GLCCI1: variants seen among roughly 807,000 people sequenced by gnomAD.
GLCCI1 encodes glucocorticoid-induced transcript 1 protein.
GLCCI1 carries 24 observed loss-of-function variants against 52.2 expected under a neutral mutation model. The observed-to-expected ratio is 0.46, with a 90% CI of 0.33 to 0.65. GLCCI1 has a LOEUF of 0.65. Ranked by LOEUF, GLCCI1 falls within the 30% of genes least tolerant of loss-of-function variation. The pLI is 0.02. For synonymous variants in GLCCI1, 310 were observed against 276.5 expected (o/e 1.12, Z -1.20); for missense variants, 704 against 701.5 (o/e 1.00, Z -0.04).
rs13226289 is a variant in GLCCI1 at position 7,992,128 on chromosome 7, T to A, written c.458-11780T>A. On this transcript the variant is annotated intron_variant, in intron 1 of 7. Coordinates refer to ENST00000223145, the MANE Select transcript of GLCCI1 (RefSeq NM_138426.4). ...CTGTTTCTCTCTCTCTCTCTCTCTCTCATATATATATATATCTGGCTCTAG... is the reference window on the plus strand; with the variant it reads ...CTGTTTCTCTCTCTCTCTCTCTCTCACATATATATATATATCTGGCTCTAG... Among the ~76,000 whole-genome samples the A allele has an allele frequency of 3.6e-3, 506 of 138,966 alleles. 3 individuals carry two copies. Among genetic ancestry groups the A allele is most frequent in the African/African-American group, 0.01 (386 of 36,768 alleles). 91.2% of individuals were successfully genotyped at this position (138,966 alleles called of 152,430 possible).
chr7:8,061,101 CTTTT>C (rs1183119492), intron 5 of GLCCI1, among the ~76,000 whole-genome samples: 1 of 138,902 alleles, frequency 7.2e-6, no homozygotes, highest in Admixed American at 7.2e-5. Context: ...TGCTAGTGAT[CTTTT>C]TTTTTTTTTT....
At chr7:8,079,915 G>A (rs1407246638) in intron 6 of GLCCI1, among the ~76,000 whole-genome samples, 1 of 151,466 alleles carries the variant, frequency 6.6e-6, no homozygotes, top group East Asian at 1.9e-4. Context: ...CTGATCTAAA[G>A]GAGATCTTAC....
At chr7:8,055,711 C>T (rs1782375074) in intron 4 of GLCCI1, 162 bp downstream of exon 4, 12 of 514,130 alleles carry the variant, frequency 2.3e-5, no homozygotes, top group South Asian at 2.1e-4. Context: ...GCCGGGCGGC[C>T]GGCCTTGGTG....
At position 8,084,957 on chromosome 7, in the gene GLCCI1, A is replaced by G; in HGVS notation, c.1238A>G (p.Tyr413Cys). 4 of 1,614,178 alleles carry G rather than the reference A, an allele frequency of 2.5e-6. No homozygotes were observed. Among genetic ancestry groups the G allele is most frequent in the African/African-American group, 1.3e-5 (1 of 75,070 alleles). Residue 413 changes from tyrosine to cysteine, a missense_variant, in exon 7 of 8, where the codon TAC becomes TGC. This residue lies in a region of GLCCI1 where 8 missense variants were observed against 23.8 expected (regional missense o/e 0.34). Transcript: ENST00000223145. ...TCATCTCCCAAACCAAACAACAGCT[A>G]CATGTTCAAACGGGAGCCCCCAGAG... ...YASSPKPNNS[Y>C]MFKREPPEGC...
rs1783165807 is a variant in GLCCI1, at chr7:8,088,403, A to C, written c.*1865A>C. ...TTATATTGTAGGAGACTGTCATGGA[A>C]AAAAGGACTCAGTTTACTTTCGTCA... On this transcript the variant is annotated 3_prime_UTR_variant, in exon 8 of 8. Transcript: ENST00000223145. The C allele has an allele frequency of 6.6e-6, 1 of 152,546 alleles. No homozygotes were observed. Among genetic ancestry groups the C allele is most frequent in the Non-Finnish European group, 1.5e-5 (1 of 68,006 alleles). 9.4% of individuals were successfully genotyped at this position (152,546 alleles called of 1,614,324 possible).
intron 4 of GLCCI1, 176 bp downstream of exon 4, chr7:8,055,725 C>T (rs930833162): frequency 3.0e-5 from 14 of 469,790 alleles, no homozygotes; most frequent in East Asian, 4.1e-5. Context: ...CTTGGTGGCT[C>T]ACGCCTGTAA....
intron 1 of GLCCI1, among the ~76,000 whole-genome samples, chr7:7,996,069 G>T (rs181395647): frequency 6.6e-6 from 1 of 152,122 alleles, no homozygotes; most frequent in African/African-American, 2.4e-5. Context: ...CCAAGCTGTG[G>T]TGCTTTAACT....
In GLCCI1 at chr7:7,987,085, C is replaced by CA. The variant is rs543733934; in HGVS notation, c.458-16816dup. 1.3e-3 allele frequency among the ~76,000 whole-genome samples: 196 copies of CA among 152,086 alleles called. 2 individuals are homozygous for CA. Among genetic ancestry groups the CA allele is most frequent in the South Asian group, 7.3e-3 (35 of 4,826 alleles). Reference sequence around the variant, plus strand: ...GTACAGTCTTTCTTTAAAAACAAAACAAAAAAACCCCACAAAAACTGATTT... The same window carrying CA: ...GTACAGTCTTTCTTTAAAAACAAAACAAAAAAAACCCCACAAAAACTGATTT... On this transcript the variant is annotated intron_variant, in intron 1 of 7. Coordinates refer to ENST00000223145, the MANE Select transcript of GLCCI1 (RefSeq NM_138426.4).
chr7:8,046,494 C>T (rs1782130597), intron 3 of GLCCI1, among the ~76,000 whole-genome samples: 1 of 152,214 alleles, frequency 6.6e-6, no homozygotes, highest in Non-Finnish European at 1.5e-5. Context: ...TCTATTCTCT[C>T]TGAAGCCTGC....
chr7:8,062,906 T>C (rs960925863), intron 5 of GLCCI1, among the ~76,000 whole-genome samples: 6 of 152,236 alleles, frequency 3.9e-5, no homozygotes, highest in African/African-American at 1.4e-4. Flanking sequence ...TGTTTGTTAT[T>C]GTAAACAGTA....
intron 1 of GLCCI1, among the ~76,000 whole-genome samples, chr7:7,993,962 A>G (rs895156594): frequency 6.6e-6 from 1 of 152,208 alleles, no homozygotes; most frequent in African/African-American, 2.4e-5. Flanking sequence ...TCTAAGTTGA[A>G]ATATCATAAA....
intron 1 of GLCCI1, among the ~76,000 whole-genome samples, chr7:7,972,294 C>A (rs968488923): frequency 1.3e-5 from 2 of 152,060 alleles, no homozygotes; most frequent in Non-Finnish European, 2.9e-5. Context: ...CTGCTCTCCA[C>A]CTCCTCCTTT....
At chr7:8,083,691 T>C (rs1023754130) in intron 6 of GLCCI1, among the ~76,000 whole-genome samples, 1 of 152,192 alleles carries the variant, frequency 6.6e-6, no homozygotes, top group South Asian at 2.1e-4. Context: ...TTTTCTAGCT[T>C]TCCCAATAGT....
At chr7:8,019,748 C>T (rs1781448162) in intron 2 of GLCCI1, among the ~76,000 whole-genome samples, 1 of 152,124 alleles carries the variant, frequency 6.6e-6, no homozygotes, top group African/African-American at 2.4e-5. Flanking sequence ...CTGTAGGCAA[C>T]TGTAACGTAG....
At chr7:8,059,132 C>T (rs1397616888) in intron 4 of GLCCI1, among the ~76,000 whole-genome samples, 3 of 151,980 alleles carry the variant, frequency 2.0e-5, no homozygotes, top group East Asian at 1.9e-4. Context: ...GTATGTAAGT[C>T]GACCCACACA....
intron 2 of GLCCI1, among the ~76,000 whole-genome samples, chr7:8,009,905 T>TG (rs1718960627): frequency 3.4e-5 from 5 of 144,958 alleles, no homozygotes; most frequent in Non-Finnish European, 7.4e-5. Context: ...CAAAATAGAA[T>TG]GAAAAAAAAA....
intron 2 of GLCCI1, among the ~76,000 whole-genome samples, chr7:8,011,813 T>A (rs938794460): frequency 3.3e-5 from 5 of 152,002 alleles, no homozygotes; most frequent in African/African-American, 9.7e-5. Flanking sequence ...TTGTTGTTTT[T>A]TGTTTTTTTG....
intron 1 of GLCCI1, among the ~76,000 whole-genome samples, chr7:7,987,806 C>T (rs1426272692): frequency 6.6e-6 from 1 of 151,946 alleles, no homozygotes; most frequent in African/African-American, 2.4e-5. Context: ...CTGTGTTGTT[C>T]AGGCTGTTCT....
At chr7:8,004,173 G>A in intron 2 of GLCCI1, 114 bp downstream of exon 2, 3 of 914,460 alleles carry the variant, frequency 3.3e-6, no homozygotes, top group South Asian at 2.3e-5. Flanking sequence ...ATCCAACCAA[G>A]GAAGAAAGGA....
Sources: gnomAD v4.1 joint callset for allele counts (sites outside exome capture counted in the v4.1 genomes callset) on GRCh38, gnomAD v4.1.1 for gene constraint, gnomAD v4.1.1 regional missense constraint, MANE v1.5 for transcripts, NCBI Gene and HGNC (gene_info 2026-07-23, HGNC 2026-07-21) for gene names.